The following COMMD1 variants were observed in gnomAD, a reference collection of about 807,000 sequenced individuals.
COMMD1 encodes the protein COMM domain-containing protein 1.
In COMMD1, 10 loss-of-function variants were observed where a neutral mutation model predicts 17.2. The ratio of observed to expected loss-of-function variants is 0.58; its 90% CI spans 0.36 to 0.99. The LOEUF (loss-of-function observed/expected upper bound fraction) is 0.99, where lower values mean the gene tolerates loss of function less well. Ranked by LOEUF, COMMD1 falls within the 50% of genes least tolerant of loss-of-function variation. The pLI, the probability that COMMD1 is intolerant of heterozygous loss-of-function variation, is 0.01. For synonymous variants in COMMD1, 97 were observed against 91.6 expected, an observed-to-expected ratio of 1.06 and a Z score of -0.34; for missense variants, 270 against 231.8, an observed-to-expected ratio of 1.17 and a Z score of -1.07.
chr2:61,919,741 C>A (rs948532669), intron 1 of COMMD1, among the ~76,000 whole-genome samples: 2 of 152,124 alleles, frequency 1.3e-5, no homozygotes, highest in African/African-American at 4.8e-5. Flanking sequence ...AGCTGCATAG[C>A]ACATAACTAA....
intron 2 of COMMD1, among the ~76,000 whole-genome samples, chr2:62,044,447 T>C (rs1362991427): frequency 6.6e-6 from 1 of 152,230 alleles, no homozygotes; most frequent in Non-Finnish European, 1.5e-5. Flanking sequence ...CTTTTACTGA[T>C]TTCTGTGTTG....
At chr2:61,898,670 A>G (rs1669600503) in intron 1 of COMMD1, among the ~76,000 whole-genome samples, 1 of 152,158 alleles carries the variant, frequency 6.6e-6, no homozygotes, top group East Asian at 1.9e-4. Flanking sequence ...ACCTCATTAA[A>G]AAAACACCTA....
intron 2 of COMMD1, among the ~76,000 whole-genome samples, chr2:62,103,447 T>C (rs1458449042): frequency 1.3e-5 from 2 of 152,216 alleles, no homozygotes; most frequent in East Asian, 3.9e-4. Context: ...TTTTTTTCAG[T>C]GAACTTTCAG....
At chr2:61,949,242 G>C (rs1670989819) in intron 1 of COMMD1, among the ~76,000 whole-genome samples, 1 of 152,206 alleles carries the variant, frequency 6.6e-6, no homozygotes, top group Non-Finnish European at 1.5e-5. Context: ...TGACAAGGAA[G>C]GGTTTCAGTT....
At chr2:62,060,002 A>G (rs916403888) in intron 2 of COMMD1, among the ~76,000 whole-genome samples, 2 of 151,852 alleles carry the variant, frequency 1.3e-5, no homozygotes, top group African/African-American at 2.4e-5. Flanking sequence ...TTTCTTTAGG[A>G]TTGCACTAGA....
intron 1 of COMMD1, among the ~76,000 whole-genome samples, chr2:61,893,068 T>C (rs1056612380): frequency 3.9e-5 from 6 of 151,978 alleles, no homozygotes; most frequent in Non-Finnish European, 5.9e-5. Context: ...GGTTTCACCA[T>C]GTTGGCCAGG....
At chr2:61,919,334 G>C (rs992019362) in intron 1 of COMMD1, among the ~76,000 whole-genome samples, 1 of 151,240 alleles carries the variant, frequency 6.6e-6, no homozygotes, top group African/African-American at 2.4e-5. Context: ...TTTTGTTTTT[G>C]AGGCAGCGTC....
intron 1 of COMMD1, among the ~76,000 whole-genome samples, chr2:61,914,108 C>G (rs1342376266): frequency 6.6e-6 from 1 of 151,324 alleles, no homozygotes; most frequent in South Asian, 2.1e-4. Flanking sequence ...GGAGGCGGAG[C>G]TTGCAGTGAG....
rs962395316 is a variant in COMMD1, at chr2:61,892,000, T to G, written n.119+3158T>G. 6.6e-5 allele frequency among the ~76,000 whole-genome samples: 10 copies of G among 151,218 alleles called. No individual in the cohort carries two copies. In the East Asian group the frequency reaches 2.0e-3, roughly 31 times the overall value. The stretch of plus-strand genomic sequence containing the variant: ...GCGCCCACCACCAAGCCCGGCTAGT[T>G]TTTTGTATTTTTAGTAGAGAGGGGG... On this transcript the variant is annotated intron_variant and non_coding_transcript_variant, in intron 1 of 2. Coordinates refer to the COMMD1 transcript ENST00000472729.
intron 1 of COMMD1, among the ~76,000 whole-genome samples, chr2:61,948,661 A>G (rs1159791184): frequency 6.6e-6 from 1 of 152,242 alleles, no homozygotes; most frequent in East Asian, 1.9e-4. Flanking sequence ...TTTATCTGAA[A>G]TATTTTTCTA....
chr2:62,087,660 T>C (rs1671707024), intron 2 of COMMD1, among the ~76,000 whole-genome samples: 1 of 152,080 alleles, frequency 6.6e-6, no homozygotes, highest in Admixed American at 6.6e-5. Flanking sequence ...GTCAAAAGAA[T>C]TGCTTGAACC....
intron 2 of COMMD1, among the ~76,000 whole-genome samples, chr2:62,018,679 G>A (rs1669522144): frequency 6.6e-6 from 1 of 152,218 alleles, no homozygotes; most frequent in African/African-American, 2.4e-5. Flanking sequence ...CAGTCTTGAA[G>A]AATACTAGCC....
intron 1 of COMMD1, among the ~76,000 whole-genome samples, chr2:61,947,662 G>A (rs1558532144): frequency 1.3e-5 from 2 of 151,432 alleles, no homozygotes; most frequent in African/African-American, 2.4e-5. Context: ...CAGCATGGGC[G>A]ACAGAGCGAG....
chr2:62,087,910 C>A (rs1671713425), intron 2 of COMMD1, among the ~76,000 whole-genome samples: 1 of 152,208 alleles, frequency 6.6e-6, no homozygotes, highest in Non-Finnish European at 1.5e-5. Flanking sequence ...AGTCTATACT[C>A]ACTGTCTCTA....
In COMMD1 at chr2:62,097,979, G is replaced by A. The variant is rs11688304; in HGVS notation, c.463-37852G>A. Among the ~76,000 whole-genome samples, 956 of 152,108 alleles carry A rather than the reference G, an allele frequency of 6.3e-3. 3 individuals carry two copies. Among genetic ancestry groups the A allele is most frequent in the South Asian group, 0.019 (93 of 4,800 alleles). Reference sequence around the variant, plus strand: ...CTTTGCCCCCTTTGTGCAAGCACCCGTTTAAGTTTTTTGCATTCTTTTTTT... The same window carrying A: ...CTTTGCCCCCTTTGTGCAAGCACCCATTTAAGTTTTTTGCATTCTTTTTTT... On this transcript the variant is annotated intron_variant, in intron 2 of 2. Transcript: ENST00000311832.
chr2:62,108,944 A>G (rs557263901), intron 2 of COMMD1, among the ~76,000 whole-genome samples: 29 of 152,342 alleles, frequency 1.9e-4, no homozygotes, highest in African/African-American at 6.5e-4. Flanking sequence ...CTGAGAAGTT[A>G]TTATCCCTTT....
chr2:62,090,032 A>G (rs1437806764), intron 2 of COMMD1, among the ~76,000 whole-genome samples: 7 of 152,256 alleles, frequency 4.6e-5, no homozygotes, highest in Admixed American at 3.3e-4. Flanking sequence ...ACACAGTCTA[A>G]CCTGATGTAA....
chr2:61,889,811 C>T (rs1669379966), intron 1 of COMMD1, among the ~76,000 whole-genome samples: 1 of 152,186 alleles, frequency 6.6e-6, no homozygotes, highest in African/African-American at 2.4e-5. Flanking sequence ...TAGCCACTGA[C>T]TCTTAGGGAA....
chr2:62,101,511 G>A (rs576346078), intron 2 of COMMD1, among the ~76,000 whole-genome samples: 1 of 152,170 alleles, frequency 6.6e-6, no homozygotes, highest in Non-Finnish European at 1.5e-5. Flanking sequence ...TCAGGAGGCT[G>A]AGACAGGAGA....
Sources: allele counts gnomAD v4.1 joint callset (sites outside exome capture counted in the v4.1 genomes callset), GRCh38; gene constraint gnomAD v4.1.1; transcripts MANE v1.5; gene names NCBI Gene and HGNC (gene_info 2026-07-23, HGNC 2026-07-21).